Variants in TTN observed in about 807,000 individuals in gnomAD.
TTN encodes connectin.
TTN carries 1,525 observed loss-of-function variants against 3,223.0 expected under a neutral mutation model. The ratio of observed to expected loss-of-function variants is 0.47; its 90% CI spans 0.45 to 0.49. The LOEUF (loss-of-function observed/expected upper bound fraction) is 0.49, where lower values mean the gene tolerates loss of function less well. Among genes scored for constraint, TTN ranks in the 20% least tolerant of loss-of-function variants. The probability of loss-of-function intolerance (pLI) is 0.00; values close to 1 mark genes in which losing one functional copy is unlikely to be tolerated. For synonymous variants in TTN, 14,094 were observed against 15,161.0 expected (o/e 0.93, Z 5.17); for missense variants, 40,786 against 43,424.0 (o/e 0.94, Z 5.40).
At position 178,567,618 on chromosome 2, in the gene TTN, T is replaced by C; in HGVS notation, c.78514A>G (p.Ile26172Val). 1 of 1,612,116 alleles carries C rather than the reference T, an allele frequency of 6.2e-7. No individual in the cohort carries two copies. ...CCAGTACTGTCAGAGGGTTTACTTA[T>C]TGCACCAGCTGCATTCTTTGCAATG... The part of the protein sequence containing the change: ...RVIAKNAAGA[I>V]SKPSDSTGPI... The change falls in exon 326 of 363, where the codon ATA becomes GTA. Residue 26172 changes from isoleucine (I) to valine (V), a missense_variant. Physicochemically the swap from Ile to Val is conservative, Grantham distance 29. Transcript: ENST00000589042.
At position 178,526,744 on chromosome 2, in the gene TTN, T is replaced by C; in HGVS notation, c.*268A>G. Reference sequence around the variant, plus strand: ...CCAACAGTTAGTTTCAAAACTTACATTGTAAAATGTCATAAAATAAATGGT... The same window carrying C: ...CCAACAGTTAGTTTCAAAACTTACACTGTAAAATGTCATAAAATAAATGGT... On this transcript the variant is annotated 3_prime_UTR_variant, in exon 363 of 363. Transcript: ENST00000589042. 3.5e-6 allele frequency: 1 copy of C among 282,360 alleles called. No individual in the cohort carries two copies. Among genetic ancestry groups the C allele is most frequent in the Non-Finnish European group, 6.6e-6 (1 of 152,430 alleles). 17.5% of individuals were successfully genotyped at this position (282,360 alleles called of 1,614,324 possible).
In TTN at chr2:178,571,523, G is replaced by A; in HGVS notation, c.74609C>T (p.Ala24870Val). 1 of 1,613,250 alleles carries A rather than the reference G, an allele frequency of 6.2e-7. No individual in the cohort carries two copies. Among genetic ancestry groups the A allele is most frequent in the Non-Finnish European group, 8.5e-7 (1 of 1,179,576 alleles). ...SATVARTTIK[A>V]CRLKTGCEYQ... ...TTCACATCCAGTCTTCAGTCTGCAAGCCTTTATTGTTGTCCTTGCAACTGT... is the reference window on the plus strand; with the variant it reads ...TTCACATCCAGTCTTCAGTCTGCAAACCTTTATTGTTGTCCTTGCAACTGT... Residue 24870 changes from alanine to valine, a missense_variant, in exon 326 of 363, where the codon GCT becomes GTT. Physicochemically the swap from Ala to Val is moderately conservative, Grantham distance 64. Transcript: ENST00000589042.
rs749000334 is a variant in TTN at position 178,579,985 on chromosome 2, A to G, written c.67302T>C (p.Tyr22434=). 2 of 1,613,336 alleles carry G rather than the reference A, an allele frequency of 1.2e-6. No individual in the cohort carries two copies. Among genetic ancestry groups the G allele is most frequent in the Non-Finnish European group, 1.7e-6 (2 of 1,179,506 alleles). The change falls in exon 318 of 363, where the codon TAT becomes TAC. Residue 22434 remains tyrosine, a synonymous_variant. Coordinates refer to ENST00000589042, the MANE Select transcript of TTN (RefSeq NM_001267550.2). ...GAGTTTCACCGGGATCACCAATGCC[A>G]TACTCATTTTCAGCAAACACTCGGA... ...YFFRVFAENE[Y]GIGDPGETRD...
Position 178,551,136 on chromosome 2 carries a change from AT to A in TTN, c.91394del (p.Asn30465MetfsTer5). On this transcript the variant is annotated frameshift_variant, in exon 336 of 363. Coordinates refer to ENST00000589042, the MANE Select transcript of TTN (RefSeq NM_001267550.2). LOFTEE classifies it high-confidence loss of function. ...VGYSIEKRQG[N>X]ERWVRCNFTD... ...TAAAGTTGCATCTCACCCAGCGTTC[AT>A]TTCCTTGCCGTTTCTCAATGCTATA... is the stretch of plus-strand genomic sequence containing the variant. The A allele has an allele frequency of 6.2e-7, 1 of 1,613,496 alleles. No homozygotes were observed. Among genetic ancestry groups the A allele is most frequent in the Non-Finnish European group, 8.5e-7 (1 of 1,179,660 alleles).
In TTN at chr2:178,545,414, T is replaced by C; in HGVS notation, c.95696A>G (p.Asn31899Ser). 6.3e-7 allele frequency: 1 copy of C among 1,588,522 alleles called. No homozygotes were observed. The highest frequency in any genetic ancestry group is 8.6e-7 in the Non-Finnish European group (1 of 1,163,664). The change falls in exon 344 of 363, where the codon AAC becomes AGC. Residue 31899 changes from asparagine to serine, a missense_variant. Transcript: ENST00000589042. ...AGNSEPSEASNFISCREPSYT... is the reference protein window; with the variant it reads ...AGNSEPSEASSFISCREPSYT... The stretch of plus-strand genomic sequence containing the variant: ...TGATGGTTCTCTGCATGAGATGAAG[T>C]TGGAAGCTTCGCTGGGCTCACTGTT...
Position 178,571,954 on chromosome 2 carries a change from A to T in TTN, c.74178T>A (p.Thr24726=), listed in dbSNP as rs369499699. 2.5e-6 allele frequency: 4 copies of T among 1,613,218 alleles called. No individual in the cohort carries two copies. In the African/African-American group the frequency reaches 5.3e-5, roughly 22 times the overall value. The part of the protein sequence containing the change: ...PAFKLLFNTF[T]VLAGEDLKVD... ...CTTTTAGGTCTTCACCTGCCAGTAC[A>T]GTGAAAGTATTGAACAGGAGTTTGA... is the stretch of plus-strand genomic sequence containing the variant. The change falls in exon 326 of 363, where the codon ACT becomes ACA. Residue 24726 remains threonine, a synonymous_variant. Coordinates refer to ENST00000589042, the MANE Select transcript of TTN (RefSeq NM_001267550.2).
chr2:178,558,739 T>A (rs1474034587), intron 326 of TTN, 102 bp from the exon 327 acceptor site: 1 of 1,247,752 alleles, frequency 8.0e-7, no homozygotes, highest in African/African-American at 1.5e-5. Context: ...ATGAAGGCCA[T>A]ATTTTTATGT....
At position 178,572,102 on chromosome 2, in the gene TTN, G is replaced by C. The variant is rs749016497; in HGVS notation, c.74030C>G (p.Thr24677Ser). The C allele has an allele frequency of 1.2e-6, 2 of 1,613,214 alleles. No homozygotes were observed. Among genetic ancestry groups the C allele is most frequent in the South Asian group, 2.2e-5 (2 of 91,046 alleles). The part of the protein sequence containing the change: ...ATVKVTEATI[T>S]GLIQGEEYSF... ...GTATTCTTCACCCTGAATTAATCCA[G>C]TGATAGTGGCTTCAGTGACCTTGAC... is the stretch of plus-strand genomic sequence containing the variant. The change falls in exon 326 of 363, where the codon ACT becomes AGT. Residue 24677 changes from threonine to serine, a missense_variant. Transcript: ENST00000589042.
intron 92 of TTN, 64 bp downstream of exon 92, chr2:178,713,833 A>G (rs2077063305): frequency 2.6e-6 from 4 of 1,565,016 alleles, no homozygotes; most frequent in Admixed American, 1.9e-5. Flanking sequence ...ACCCATATAC[A>G]TTTATGAAAA....
In TTN at chr2:178,537,741, G is replaced by T. The variant is rs374666520; in HGVS notation, c.99466C>A (p.His33156Asn). The change falls in exon 355 of 363, where the codon CAC (histidine) becomes AAC (asparagine). Residue 33156 changes from histidine to asparagine, a missense_variant. Coordinates refer to ENST00000589042, the MANE Select transcript of TTN (RefSeq NM_001267550.2). Reference sequence around the variant, plus strand: ...TCCTCTGTCATTACTGTAAGAGTGTGTGTGCGTCCATCTGAAGACATTTTG... The same window carrying T: ...TCCTCTGTCATTACTGTAAGAGTGTTTGTGCGTCCATCTGAAGACATTTTG... ...KYKMSSDGRT[H>N]TLTVMTEEQE... The T allele has an allele frequency of 6.2e-7, 1 of 1,613,772 alleles. No homozygotes were observed.
chr2:178,754,520 C>T (rs866543900), intron 46 of TTN, among the ~76,000 whole-genome samples: 2 of 152,062 alleles, frequency 1.3e-5, no homozygotes, highest in African/African-American at 4.8e-5. Flanking sequence ...AGTCAAACAC[C>T]GCACTATAGC....
intron 49 of TTN, among the ~76,000 whole-genome samples, chr2:178,737,773 T>C (rs897718684): frequency 1.3e-5 from 2 of 152,204 alleles, no homozygotes; most frequent in Non-Finnish European, 2.9e-5. Context: ...CATTGAGACA[T>C]TATTTTTTTT....
At chr2:178,699,383 C>CTTTTTTTTTTTTTT (rs59989386) in intron 111 of TTN, among the ~76,000 whole-genome samples, 2 of 44,912 alleles carry the variant, frequency 4.5e-5, no homozygotes, top group Non-Finnish European at 8.7e-5. Context: ...AAATAACACT[C>CTTTTTTTTTTTTTT]TTTTTTTTTT....
chr2:178,783,326 C>T (rs2092935697), intron 17 of TTN, among the ~76,000 whole-genome samples: 1 of 152,114 alleles, frequency 6.6e-6, no homozygotes, highest in Non-Finnish European at 1.5e-5. Context: ...TGAATCTATG[C>T]CTCCCATGGA....
chr2:178,771,086 G>C, intron 34 of TTN, 125 bp downstream of exon 34: 1 of 1,454,064 alleles, frequency 6.9e-7, no homozygotes, highest in Non-Finnish European at 9.4e-7. Flanking sequence ...AGGTTTAGAG[G>C]ATCTAGAATG....
chr2:178,576,092 T>C lies in TTN; in HGVS notation c.70040A>G (p.Asp23347Gly), dbSNP rs1484649738. 6.2e-7 allele frequency: 1 copy of C among 1,613,350 alleles called. No homozygotes were observed. The highest frequency in any genetic ancestry group is 8.5e-7 in the Non-Finnish European group (1 of 1,179,588). ...AACAAGTGTTCTTCGAAGCTCGGCA[T>C]CTAGTTCAAAATCAGGAGCCATCTC... is the stretch of plus-strand genomic sequence containing the variant. ...EREMAPDFEL[D>G]AELRRTLVVR... Residue 23347 changes from aspartate to glycine, a missense_variant, in exon 326 of 363, where the codon GAT (aspartate) becomes GGT (glycine). Asp to Gly is a moderately conservative substitution (Grantham distance 94). Coordinates refer to ENST00000589042, the MANE Select transcript of TTN (RefSeq NM_001267550.2). The surrounding 1 kb of genome is among the most constrained non-coding windows in gnomAD (Gnocchi z 4.3).
rs2068256883 is a variant in TTN, at chr2:178,677,183, C to A, written c.34378+18G>T. 2 of 1,221,230 alleles carry A rather than the reference C, an allele frequency of 1.6e-6. No homozygotes were observed. The highest frequency in any genetic ancestry group is 1.6e-5 in the African/African-American group (1 of 63,656). The allele number at this position is 1,221,230 out of a possible 1,614,324, so 75.6% of individuals were successfully genotyped here. On this transcript the variant is annotated intron_variant, in intron 147 of 362. Coordinates refer to ENST00000589042, the MANE Select transcript of TTN (RefSeq NM_001267550.2). ...AAGCTATGGGTGAACAATGTGTATT[C>A]ACTTTGGGGAGGTGTACCTTTGGGT...
intron 72 of TTN, 23 bp from the exon 73 acceptor site, chr2:178,724,166 CTCA>C (rs2078931456): frequency 1.9e-6 from 3 of 1,593,664 alleles, no homozygotes; most frequent in Non-Finnish European, 2.6e-6. Context: ...AGGTAAGAGA[CTCA>C]TCATGATTTG....
chr2:178,742,053 T>C (rs1038965359), intron 47 of TTN, 132 bp from the exon 48 acceptor site: 4 of 745,952 alleles, frequency 5.4e-6, no homozygotes, highest in Non-Finnish European at 7.3e-6. Context: ...ATTCCAAGAT[T>C]AATGTATCAA....
Sources: allele counts gnomAD v4.1 joint callset (sites outside exome capture counted in the v4.1 genomes callset), GRCh38; gene constraint gnomAD v4.1.1; non-coding constraint Gnocchi (gnomAD v3.1); transcripts MANE v1.5; gene names NCBI Gene and HGNC (gene_info 2026-07-23, HGNC 2026-07-21).